Variants in MYRIP observed in about 807,000 individuals in gnomAD.
The protein encoded by MYRIP is rab effector MyRIP.
Under a neutral mutation model 98.0 loss-of-function variants are expected in MYRIP, and 49 were observed. That is an observed-to-expected ratio of 0.50 (90% confidence interval 0.40 to 0.63). The LOEUF is 0.63. MYRIP is among the 30% of genes least tolerant of loss of function. MYRIP has a pLI of 0.00. For missense variants in MYRIP, 1,004 were observed against 1,058.2 expected (o/e 0.95, Z 0.71); for synonymous variants, 404 against 409.5 (o/e 0.99, Z 0.16).
chr3:39,881,356 G>A (rs1353356341), intron 1 of MYRIP, among the ~76,000 whole-genome samples: 1 of 152,124 alleles, frequency 6.6e-6, no homozygotes, highest in African/African-American at 2.4e-5. Context: ...TTAACAAGTG[G>A]GGAGATTGGG....
rs1327174506 is a variant in MYRIP, at chr3:40,239,478, G to A, written c.2101-4968G>A. On this transcript the variant is annotated intron_variant, in intron 12 of 16. Coordinates refer to ENST00000302541, the MANE Select transcript of MYRIP (RefSeq NM_015460.4). ...TCTAGTTCTAGATCCTTGAGGAATCGCCACACTGACTTCCACAATGGTTGA... is the reference window on the plus strand; with the variant it reads ...TCTAGTTCTAGATCCTTGAGGAATCACCACACTGACTTCCACAATGGTTGA... Among the ~76,000 whole-genome samples, 136 of 139,554 alleles carry A rather than the reference G, an allele frequency of 9.7e-4. 4 individuals carry two copies. Among genetic ancestry groups the A allele is most frequent in the Non-Finnish European group, 1.6e-3 (105 of 66,726 alleles). The allele number at this position is 139,554 out of a possible 152,430, so 91.6% of individuals were successfully genotyped here. A position where few individuals can be genotyped will look rare whatever the true frequency, so the allele number is the denominator to read the frequency against.
In MYRIP at chr3:40,039,346, CTT is replaced by C. The variant is rs200152833; in HGVS notation, c.111-4701_111-4700del. Among the ~76,000 whole-genome samples the C allele has an allele frequency of 6.0e-3, 913 of 152,080 alleles. 7 individuals carry two copies. The highest frequency in any genetic ancestry group is 0.02 in the African/African-American group (845 of 41,468). On this transcript the variant is annotated intron_variant, in intron 2 of 16. Transcript: ENST00000302541. ...TCATGCCTTAAAAAGTCTTGTCTAACTTTTAAAAAGTCAGAATAGGAGGAAGA... is the reference window on the plus strand; with the variant it reads ...TCATGCCTTAAAAAGTCTTGTCTAACTTAAAAAGTCAGAATAGGAGGAAGA...
intron 1 of MYRIP, among the ~76,000 whole-genome samples, chr3:39,900,332 AT>A (rs35136210): frequency 3.4e-5 from 5 of 146,354 alleles, no homozygotes; most frequent in South Asian, 2.1e-4. Context: ...TATACATAGG[AT>A]TTTTTTAAAG....
intron 11 of MYRIP, 117 bp downstream of exon 11, chr3:40,210,210 C>A: frequency 3.1e-6 from 4 of 1,297,874 alleles, no homozygotes; most frequent in Non-Finnish European, 4.2e-6. Flanking sequence ...TCTAAAATGC[C>A]CATCCCTGTG....
intron 2 of MYRIP, among the ~76,000 whole-genome samples, chr3:39,941,480 T>C (rs975877012): frequency 6.6e-6 from 1 of 150,932 alleles, no homozygotes; most frequent in African/African-American, 2.5e-5. Context: ...TACAGTCTTT[T>C]AAAAATGTAT....
chr3:40,157,029 A>G (rs1450009576), intron 4 of MYRIP, among the ~76,000 whole-genome samples: 1 of 151,682 alleles, frequency 6.6e-6, no homozygotes, highest in Non-Finnish European at 1.5e-5. Flanking sequence ...TTCCAACACT[A>G]TGTTGAATAG....
intron 1 of MYRIP, among the ~76,000 whole-genome samples, chr3:39,856,247 T>C (rs926873675): frequency 1.3e-5 from 2 of 152,222 alleles, no homozygotes; most frequent in Non-Finnish European, 2.9e-5. Flanking sequence ...GTTTTTCTGG[T>C]ACATTCCTGT....
chr3:39,869,512 T>G (rs1395585890), intron 1 of MYRIP, among the ~76,000 whole-genome samples: 1 of 152,188 alleles, frequency 6.6e-6, no homozygotes, highest in Non-Finnish European at 1.5e-5. Context: ...TTGATAGTAT[T>G]TATAATAATT....
chr3:40,189,739 C>T, intron 9 of MYRIP, 87 bp from the exon 10 acceptor site: 1 of 1,411,366 alleles, frequency 7.1e-7, no homozygotes, highest in Non-Finnish European at 9.5e-7. Context: ...CCACAAGCCA[C>T]TCTTGGGGAG....
chr3:39,878,120 A>G (rs918102493), intron 1 of MYRIP, among the ~76,000 whole-genome samples: 2 of 152,172 alleles, frequency 1.3e-5, no homozygotes, highest in Admixed American at 1.3e-4. Flanking sequence ...GCAATCAGCG[A>G]GACTCCGTGG....
chr3:39,870,430 A>C (rs1190582574), intron 1 of MYRIP, among the ~76,000 whole-genome samples: 1 of 152,188 alleles, frequency 6.6e-6, no homozygotes, highest in Admixed American at 6.5e-5. Context: ...ATACAAATAG[A>C]TTAATATTTT....
At chr3:40,077,993 G>A (rs930429714) in intron 3 of MYRIP, among the ~76,000 whole-genome samples, 3 of 152,256 alleles carry the variant, frequency 2.0e-5, no homozygotes, top group Non-Finnish European at 2.9e-5. Flanking sequence ...CGCTCGTTGG[G>A]GAGGGTCGGC....
At chr3:39,980,591 A>G (rs1282822396) in intron 2 of MYRIP, among the ~76,000 whole-genome samples, 3 of 152,338 alleles carry the variant, frequency 2.0e-5, no homozygotes, top group Non-Finnish European at 2.9e-5. Context: ...TGCAAAGATC[A>G]GGGGGATCTG....
chr3:40,244,694 T>C (rs1171323185), intron 13 of MYRIP, 87 bp downstream of exon 13: 1 of 1,390,920 alleles, frequency 7.2e-7, no homozygotes. Flanking sequence ...AAAGCCATTG[T>C]ATCTATCAGC....
chr3:40,054,977 G>C (rs192660058), intron 3 of MYRIP, among the ~76,000 whole-genome samples: 1 of 152,284 alleles, frequency 6.6e-6, no homozygotes, highest in Non-Finnish European at 1.5e-5. Flanking sequence ...TTTTGGCCTT[G>C]GAGCAATTAG....
intron 12 of MYRIP, among the ~76,000 whole-genome samples, chr3:40,236,825 C>T (rs1035820635): frequency 6.6e-6 from 1 of 151,776 alleles, no homozygotes; most frequent in Non-Finnish European, 1.5e-5. Flanking sequence ...TCCCAGAAAT[C>T]AGGAATTGTT....
intron 3 of MYRIP, among the ~76,000 whole-genome samples, chr3:40,061,585 T>A (rs1328937104): frequency 6.6e-6 from 1 of 152,232 alleles, no homozygotes; most frequent in Non-Finnish European, 1.5e-5. Context: ...TTTATACTCC[T>A]TTGGGTATGT....
At chr3:39,888,416 C>G (rs908345117) in intron 1 of MYRIP, among the ~76,000 whole-genome samples, 1 of 151,738 alleles carries the variant, frequency 6.6e-6, no homozygotes, top group African/African-American at 2.4e-5. Context: ...CTGAGAAAAA[C>G]AAGCAATGGG....
chr3:40,209,999 A>G lies in MYRIP; in HGVS notation c.1811A>G (p.Asp604Gly). 6.2e-7 allele frequency: 1 copy of G among 1,614,142 alleles called. No individual in the cohort carries two copies. The highest frequency in any genetic ancestry group is 8.5e-7 in the Non-Finnish European group (1 of 1,179,986). Residue 604 changes from aspartate to glycine, a missense_variant, in exon 11 of 17, where the codon GAT (aspartate) becomes GGT (glycine). This residue lies in a region of MYRIP where 880 missense variants were observed against 907.7 expected (regional missense o/e 0.97). Coordinates refer to ENST00000302541, the MANE Select transcript of MYRIP (RefSeq NM_015460.4). ...MSEKETSSGE[D>G]QESEPKTESE... ...GAAAAGGAGACTTCTTCAGGGGAGGATCAGGAGTCTGAGCCCAAGACAGAA... is the reference window on the plus strand; with the variant it reads ...GAAAAGGAGACTTCTTCAGGGGAGGGTCAGGAGTCTGAGCCCAAGACAGAA...
Sources: allele counts gnomAD v4.1 joint callset (sites outside exome capture counted in the v4.1 genomes callset), GRCh38; gene constraint gnomAD v4.1.1; regional missense constraint gnomAD v4.1.1; transcripts MANE v1.5; gene names NCBI Gene and HGNC (gene_info 2026-07-23, HGNC 2026-07-21).